The following FGF14 variants were observed in gnomAD, a reference collection of about 807,000 sequenced individuals.
FGF14 encodes fibroblast growth factor homologous factor 4.
FGF14 carries 5 observed loss-of-function variants against 25.5 expected under a neutral mutation model. The ratio of observed to expected loss-of-function variants is 0.20; its 90% CI spans 0.10 to 0.41. The LOEUF (loss-of-function observed/expected upper bound fraction) is 0.41. FGF14 is among the 10% of genes least tolerant of loss of function. FGF14 has a pLI of 1.00. For missense variants in FGF14, 222 were observed against 320.1 expected (o/e 0.69, Z 2.34); for synonymous variants, 138 against 118.3 (o/e 1.17, Z -1.08).
At chr13:101,928,589 GT>G (rs2034533474) in intron 1 of FGF14, among the ~76,000 whole-genome samples, 1 of 152,058 alleles carries the variant, frequency 6.6e-6, no homozygotes, top group Admixed American at 6.6e-5. Flanking sequence ...CAGGCTGAAG[GT>G]TAGAACAAGA....
chr13:102,003,778 T>C (rs568145407), intron 1 of FGF14, among the ~76,000 whole-genome samples: 3 of 152,198 alleles, frequency 2.0e-5, no homozygotes, highest in East Asian at 3.9e-4. Context: ...AGCTTTCTTC[T>C]GGTTTCAAAA....
At chr13:101,892,494 G>A (rs2138903423) in intron 1 of FGF14, among the ~76,000 whole-genome samples, 1 of 152,232 alleles carries the variant, frequency 6.6e-6, no homozygotes, top group East Asian at 1.9e-4. Context: ...ATGGGCCATT[G>A]AACATGTGAA....
chr13:101,960,926 C>T (rs1241548415), intron 1 of FGF14, among the ~76,000 whole-genome samples: 3 of 152,106 alleles, frequency 2.0e-5, no homozygotes, highest in African/African-American at 7.2e-5. Context: ...TTTTGATTTG[C>T]ATTTCTTTAA....
chr13:101,714,694 TG>T lies in FGF14; in HGVS notation c.*8136del. ...ATCTACCAAAGGCGAAGTGGGCATT[TG>T]GGAAAAAGCCCTCACAAAAGCCTCA... On this transcript the variant is annotated 3_prime_UTR_variant, in exon 5 of 5. Coordinates refer to ENST00000376143, the MANE Select transcript of FGF14 (RefSeq NM_004115.4). 1 of 624,844 alleles carries T rather than the reference TG, an allele frequency of 1.6e-6. No individual in the cohort carries two copies. Among genetic ancestry groups the T allele is most frequent in the Non-Finnish European group, 2.9e-6 (1 of 346,938 alleles). 38.7% of individuals were successfully genotyped at this position (624,844 alleles called of 1,614,324 possible). A position where few individuals can be genotyped will look rare whatever the true frequency, so the allele number is the denominator to read the frequency against.
At chr13:101,734,914 A>G (rs1372704157) in intron 3 of FGF14, among the ~76,000 whole-genome samples, 1 of 152,180 alleles carries the variant, frequency 6.6e-6, no homozygotes, top group East Asian at 1.9e-4. Context: ...AAGATATGTG[A>G]TCAATTGCAA....
chr13:101,835,024 A>T (rs1268811643), intron 3 of FGF14, among the ~76,000 whole-genome samples: 1 of 152,114 alleles, frequency 6.6e-6, no homozygotes, highest in Non-Finnish European at 1.5e-5. Context: ...GATATCTGGA[A>T]ATAAGAGAAA....
At chr13:102,001,399 A>T (rs1224262180) in intron 1 of FGF14, among the ~76,000 whole-genome samples, 1 of 152,190 alleles carries the variant, frequency 6.6e-6, no homozygotes, top group East Asian at 1.9e-4. Flanking sequence ...AGCAAGCATT[A>T]GGCTCAAAGA....
At chr13:102,061,444 C>T (rs948183075) in intron 1 of FGF14, among the ~76,000 whole-genome samples, 5 of 152,188 alleles carry the variant, frequency 3.3e-5, no homozygotes, top group East Asian at 1.9e-4. Context: ...CCCCATGGCA[C>T]GCCCTGAGAG....
intron 1 of FGF14, among the ~76,000 whole-genome samples, chr13:102,076,770 AT>A (rs764029159): frequency 6.6e-6 from 1 of 152,168 alleles, no homozygotes; most frequent in African/African-American, 2.4e-5. Flanking sequence ...TCCAAAAAAA[AT>A]CTTAAGTTTT....
At chr13:101,928,207 T>C (rs1040077868) in intron 1 of FGF14, among the ~76,000 whole-genome samples, 3 of 152,114 alleles carry the variant, frequency 2.0e-5, no homozygotes, top group Admixed American at 6.5e-5. Context: ...GAATGGCATA[T>C]GCAAAGGAAA....
At chr13:102,098,837 T>A (rs1308954380) in intron 1 of FGF14, among the ~76,000 whole-genome samples, 1 of 152,194 alleles carries the variant, frequency 6.6e-6, no homozygotes, top group African/African-American at 2.4e-5. Flanking sequence ...TGATTTTAAC[T>A]AGAGGTAAAG....
chr13:102,145,564 A>C (rs2046821679), intron 1 of FGF14, among the ~76,000 whole-genome samples: 1 of 152,164 alleles, frequency 6.6e-6, no homozygotes, highest in African/African-American at 2.4e-5. Context: ...AAATCATATA[A>C]TCCATGCCTA....
intron 3 of FGF14, among the ~76,000 whole-genome samples, chr13:101,809,175 C>T (rs1169760010): frequency 6.6e-6 from 1 of 151,768 alleles, no homozygotes; most frequent in African/African-American, 2.4e-5. Context: ...TTATGTTTTA[C>T]AATAACATAA....
At chr13:102,310,696 T>TGTGTGGGG (rs1269681335) in intron 1 of FGF14, among the ~76,000 whole-genome samples, 1 of 3,472 alleles carries the variant, frequency 2.9e-4, no homozygotes, top group Non-Finnish European at 5.2e-4. Flanking sequence ...TGTGTGTGTG[T>TGTGTGGGG]GGGGGGGGGG....
chr13:101,742,144 G>GT (rs1393428269), intron 3 of FGF14, among the ~76,000 whole-genome samples: 1 of 152,048 alleles, frequency 6.6e-6, no homozygotes, highest in East Asian at 1.9e-4. Context: ...GTGGTGTTTG[G>GT]TTTTCTCTTC....
intron 1 of FGF14, among the ~76,000 whole-genome samples, chr13:102,316,804 T>C (rs764271441): frequency 6.6e-6 from 1 of 152,202 alleles, no homozygotes; most frequent in South Asian, 2.1e-4. Context: ...CGGTTAATCA[T>C]ACAACCTCTG....
chr13:102,282,063 CT>C (rs745981500), intron 1 of FGF14, among the ~76,000 whole-genome samples: 12 of 89,818 alleles, frequency 1.3e-4, no homozygotes, highest in East Asian at 6.1e-4. Flanking sequence ...AACCCTGCTT[CT>C]TTTTTTTTTT....
chr13:101,797,772 T>TGTGC (rs1555384573), intron 3 of FGF14, among the ~76,000 whole-genome samples: 11,191 of 145,562 alleles, frequency 0.077, 685 homozygotes, highest in African/African-American at 0.12. Flanking sequence ...TGTGTGTGTG[T>TGTGC]GTGTGTGTGT....
At chr13:102,341,384 T>C (rs1468185860) in intron 1 of FGF14, among the ~76,000 whole-genome samples, 1 of 152,208 alleles carries the variant, frequency 6.6e-6, no homozygotes, top group Admixed American at 6.5e-5. Flanking sequence ...ACAATATCCA[T>C]CATCCATTCA....
Sources: allele counts gnomAD v4.1 joint callset (sites outside exome capture counted in the v4.1 genomes callset), GRCh38; gene constraint gnomAD v4.1.1; transcripts MANE v1.5; gene names NCBI Gene and HGNC (gene_info 2026-07-23, HGNC 2026-07-21).